The following FARS2 variants were observed in gnomAD, a reference collection of about 807,000 sequenced individuals.
FARS2 encodes the protein phenylalanyl-tRNA synthetase 2, mitochondrial, also known as phenylalanine--tRNA ligase, mitochondrial.
Under a neutral mutation model 46.4 loss-of-function variants are expected in FARS2, and 40 were observed. That is an observed-to-expected ratio of 0.86 (90% CI 0.67 to 1.12). The LOEUF (loss-of-function observed/expected upper bound fraction) is 1.12, where lower values mean the gene tolerates loss of function less well. Among genes scored for constraint, FARS2 ranks in the 50% most tolerant of loss-of-function variants. FARS2 has a pLI of 0.00. For missense variants in FARS2, 513 were observed against 567.9 expected (o/e 0.90, Z 0.98); for synonymous variants, 234 against 214.9 (o/e 1.09, Z -0.78).
At chr6:5,295,838 A>G (rs1767816766) in intron 1 of FARS2, among the ~76,000 whole-genome samples, 1 of 152,134 alleles carries the variant, frequency 6.6e-6, no homozygotes, top group East Asian at 1.9e-4. Context: ...CAGGGCTAGA[A>G]ATGTTTTGTC....
intron 4 of FARS2, among the ~76,000 whole-genome samples, chr6:5,468,740 A>G (rs1765650693): frequency 6.6e-6 from 1 of 152,188 alleles, no homozygotes; most frequent in Admixed American, 6.5e-5. Context: ...TACTTTCACA[A>G]GAATGCGATG....
At chr6:5,561,150 CA>C (rs1326033539) in intron 5 of FARS2, among the ~76,000 whole-genome samples, 1 of 151,810 alleles carries the variant, frequency 6.6e-6, no homozygotes, top group Admixed American at 6.6e-5. Context: ...AACAAACAAA[CA>C]AAAAAAGTAT....
intron 6 of FARS2, among the ~76,000 whole-genome samples, chr6:5,705,598 C>T (rs865947145): frequency 2.6e-5 from 4 of 152,342 alleles, no homozygotes; most frequent in Middle Eastern, 3.4e-3. Flanking sequence ...ACAGTGCTTC[C>T]GCATTCTCCC....
chr6:5,539,436 G>A (rs1343602346), intron 4 of FARS2, among the ~76,000 whole-genome samples: 3 of 134,828 alleles, frequency 2.2e-5, no homozygotes, highest in African/African-American at 9.0e-5. Context: ...GTTTCACCAT[G>A]TTAGCCAGGA....
chr6:5,465,444 T>G (rs1765459977), intron 4 of FARS2, among the ~76,000 whole-genome samples: 2 of 152,250 alleles, frequency 1.3e-5, no homozygotes, highest in South Asian at 2.1e-4. Context: ...ACTTGCGTAT[T>G]ATAATTTACT....
At chr6:5,668,477 G>A (rs766148055) in intron 6 of FARS2, among the ~76,000 whole-genome samples, 1 of 152,152 alleles carries the variant, frequency 6.6e-6, no homozygotes, top group Non-Finnish European at 1.5e-5. Flanking sequence ...GAAACCAGAG[G>A]GAAAGTGAAT....
At chr6:5,304,248 G>A (rs193014503) in intron 1 of FARS2, among the ~76,000 whole-genome samples, 80 of 152,240 alleles carry the variant, frequency 5.3e-4, no homozygotes, top group African/African-American at 1.8e-3. Context: ...TTGTATGTGC[G>A]TTTCCCCTTA....
chr6:5,575,067 A>G (rs1772879879), intron 5 of FARS2, among the ~76,000 whole-genome samples: 1 of 152,230 alleles, frequency 6.6e-6, no homozygotes, highest in Non-Finnish European at 1.5e-5. Context: ...CAATCGCACT[A>G]TAACTCAAAC....
chr6:5,385,684 A>T (rs2875989), intron 2 of FARS2, among the ~76,000 whole-genome samples: 35,165 of 152,050 alleles, frequency 0.23, 5,274 homozygotes, highest in East Asian at 0.42. Context: ...TTGGCCTCCT[A>T]AAGTGCTGGG....
At chr6:5,421,246 C>T (rs529012916) in intron 3 of FARS2, among the ~76,000 whole-genome samples, 4 of 152,176 alleles carry the variant, frequency 2.6e-5, no homozygotes, top group Admixed American at 6.5e-5. Context: ...TACATTGACC[C>T]CTTTCAGCCA....
At chr6:5,324,972 A>G (rs1352235159) in intron 1 of FARS2, among the ~76,000 whole-genome samples, 1 of 152,152 alleles carries the variant, frequency 6.6e-6, no homozygotes, top group Non-Finnish European at 1.5e-5. Flanking sequence ...GCTCTGGCAA[A>G]CACATCTGGT....
chr6:5,322,439 G>T (rs552773998), intron 1 of FARS2, among the ~76,000 whole-genome samples: 11 of 152,246 alleles, frequency 7.2e-5, no homozygotes, highest in Non-Finnish European at 1.5e-4. Flanking sequence ...AGGAAGCACT[G>T]AGCATGTTCT....
At chr6:5,732,065 A>G (rs951292558) in intron 6 of FARS2, among the ~76,000 whole-genome samples, 1 of 152,198 alleles carries the variant, frequency 6.6e-6, no homozygotes, top group Admixed American at 6.5e-5. Context: ...ATCCTCATGC[A>G]GGGTTTTGTG....
chr6:5,413,870 A>C (rs75630535), intron 3 of FARS2, among the ~76,000 whole-genome samples: 1 of 151,880 alleles, frequency 6.6e-6, no homozygotes, highest in African/African-American at 2.4e-5. Flanking sequence ...CCATTTTTCT[A>C]TTCTTTGTCA....
intron 5 of FARS2, 91 bp from the exon 6 acceptor site, chr6:5,613,078 C>T: frequency 9.5e-7 from 1 of 1,048,430 alleles, no homozygotes; most frequent in Non-Finnish European, 1.4e-6. Flanking sequence ...CTAGCATTTC[C>T]TAATTAGTCA....
chr6:5,396,055 G>A (rs1760881184), intron 2 of FARS2, among the ~76,000 whole-genome samples: 1 of 152,020 alleles, frequency 6.6e-6, no homozygotes, highest in Admixed American at 6.6e-5. Flanking sequence ...AAAGAAAATT[G>A]TTATTGCTTG....
At chr6:5,641,388 CT>C (rs1453696324) in intron 6 of FARS2, among the ~76,000 whole-genome samples, 12 of 152,186 alleles carry the variant, frequency 7.9e-5, no homozygotes, top group Admixed American at 7.9e-4. Context: ...CCTCCACCCC[CT>C]GGGTTCAAGT....
intron 4 of FARS2, among the ~76,000 whole-genome samples, chr6:5,489,504 A>G (rs1018569390): frequency 6.6e-6 from 1 of 152,208 alleles, no homozygotes; most frequent in Non-Finnish European, 1.5e-5. Flanking sequence ...TGGGAAGGTG[A>G]CATTTGATGT....
In FARS2 at chr6:5,354,588, G is replaced by A. The variant is rs560289840; in HGVS notation, c.-21-13962G>A. Among the ~76,000 whole-genome samples the A allele has an allele frequency of 4.1e-4, 62 of 149,462 alleles. 1 individual carries two copies. In the South Asian group the frequency reaches 8.7e-3, roughly 21 times the overall value. Reference sequence around the variant, plus strand: ...GAGTGCAGTGGCACGATCTCTGCTCGCTGCAAGCTCCGCCTCCCAGGTTCA... The same window carrying A: ...GAGTGCAGTGGCACGATCTCTGCTCACTGCAAGCTCCGCCTCCCAGGTTCA... On this transcript the variant is annotated intron_variant, in intron 1 of 6. Coordinates refer to ENST00000274680, the MANE Select transcript of FARS2 (RefSeq NM_006567.5).
Sources: gnomAD v4.1 joint callset for allele counts (sites outside exome capture counted in the v4.1 genomes callset) on GRCh38, gnomAD v4.1.1 for gene constraint, MANE v1.5 for transcripts, NCBI Gene and HGNC (gene_info 2026-07-23, HGNC 2026-07-21) for gene names.